Variants in CDH18 observed in about 807,000 individuals in gnomAD.
CDH18 encodes the protein cadherin-18.
Under a neutral mutation model 67.9 loss-of-function variants are expected in CDH18, and 31 were observed. The ratio of observed to expected loss-of-function variants is 0.46; its 90% CI spans 0.34 to 0.62. The LOEUF is 0.62. Ranked by LOEUF, CDH18 falls within the 20% of genes least tolerant of loss-of-function variation. The pLI, the probability that CDH18 is intolerant of heterozygous loss-of-function variation, is 0.01. For missense variants in CDH18, 890 were observed against 975.5 expected (o/e 0.91, Z 1.17); for synonymous variants, 362 against 347.2 (o/e 1.04, Z -0.48).
intron 5 of CDH18, among the ~76,000 whole-genome samples, chr5:19,617,381 A>G (rs1248160987): frequency 1.3e-5 from 2 of 152,212 alleles, no homozygotes; most frequent in Non-Finnish European, 2.9e-5. Flanking sequence ...CCATGTATCC[A>G]GTATTTGCAA....
intron 5 of CDH18, among the ~76,000 whole-genome samples, chr5:19,668,010 A>T (rs551272451): frequency 2.0e-5 from 3 of 152,106 alleles, no homozygotes; most frequent in African/African-American, 4.8e-5. Flanking sequence ...TAGAACTAAT[A>T]AAAAAACTAT....
At chr5:20,202,137 GACAA>G (rs993423801) in intron 2 of CDH18, among the ~76,000 whole-genome samples, 7 of 152,278 alleles carry the variant, frequency 4.6e-5, no homozygotes, top group East Asian at 1.9e-4. Flanking sequence ...AGCATATGCT[GACAA>G]ACAGTTTGCT....
chr5:20,145,289 T>C (rs1228029213), intron 2 of CDH18, among the ~76,000 whole-genome samples: 1 of 152,196 alleles, frequency 6.6e-6, no homozygotes, highest in Non-Finnish European at 1.5e-5. Flanking sequence ...CTTAATAAAG[T>C]TTTTCTTAAT....
chr5:20,037,530 A>C (rs561479364), intron 2 of CDH18, among the ~76,000 whole-genome samples: 3 of 152,154 alleles, frequency 2.0e-5, no homozygotes, highest in Non-Finnish European at 4.4e-5. Context: ...GTGCAATCAA[A>C]TTAGAATTCA....
intron 2 of CDH18, among the ~76,000 whole-genome samples, chr5:19,847,325 T>A (rs1400340602): frequency 1.3e-5 from 2 of 152,092 alleles, no homozygotes; most frequent in African/African-American, 4.8e-5. Flanking sequence ...ATTCTCTCCA[T>A]AGACTGAATA....
At chr5:19,631,614 T>C (rs907887597) in intron 5 of CDH18, among the ~76,000 whole-genome samples, 1 of 152,076 alleles carries the variant, frequency 6.6e-6, no homozygotes, top group African/African-American at 2.4e-5. Flanking sequence ...ACTTATGAAG[T>C]CTGTTAAAAA....
chr5:19,741,196 A>T (rs13189369), intron 4 of CDH18, among the ~76,000 whole-genome samples: 1 of 149,140 alleles, frequency 6.7e-6, no homozygotes, highest in Non-Finnish European at 1.5e-5. Context: ...CTATGTATAT[A>T]TGTATATATG....
intron 2 of CDH18, among the ~76,000 whole-genome samples, chr5:20,095,898 A>T (rs1460932873): frequency 6.6e-6 from 1 of 152,092 alleles, no homozygotes; most frequent in Admixed American, 6.6e-5. Context: ...TGAATTAAGT[A>T]TTAGCAGATT....
chr5:19,628,935 A>T (rs1190507348), intron 5 of CDH18, among the ~76,000 whole-genome samples: 7 of 152,122 alleles, frequency 4.6e-5, no homozygotes, highest in African/African-American at 1.7e-4. Context: ...AAAAAAAAAA[A>T]ACTAAGAGGG....
intron 2 of CDH18, among the ~76,000 whole-genome samples, chr5:20,172,202 A>ATATATATATATACATG (rs1736800470): frequency 2.2e-5 from 1 of 46,050 alleles, no homozygotes; most frequent in African/African-American, 1.3e-4. Context: ...ATATATATAT[A>ATATATATATATACATG]TATATATATA....
chr5:19,641,595 T>C (rs1026362807), intron 5 of CDH18, among the ~76,000 whole-genome samples: 4 of 152,002 alleles, frequency 2.6e-5, no homozygotes, highest in Non-Finnish European at 4.4e-5. Flanking sequence ...TCTCAATAGA[T>C]GCAGAAAATG....
chr5:19,499,420 A>G (rs1742864233), intron 11 of CDH18, among the ~76,000 whole-genome samples: 1 of 152,068 alleles, frequency 6.6e-6, no homozygotes, highest in Non-Finnish European at 1.5e-5. Flanking sequence ...ATATGTGTGC[A>G]TACATATAAT....
At chr5:19,803,499 C>T (rs916976746) in intron 3 of CDH18, among the ~76,000 whole-genome samples, 7 of 152,140 alleles carry the variant, frequency 4.6e-5, no homozygotes, top group Non-Finnish European at 1.0e-4. Context: ...TAGTGACTAT[C>T]GTAATAGTGC....
intron 5 of CDH18, among the ~76,000 whole-genome samples, chr5:19,619,678 A>C (rs1750390810): frequency 6.6e-6 from 1 of 152,164 alleles, no homozygotes; most frequent in Admixed American, 6.6e-5. Context: ...TTGTTTCTCA[A>C]GTGGCTGAAA....
intron 7 of CDH18, among the ~76,000 whole-genome samples, chr5:19,589,127 CAT>C (rs1414244568): frequency 6.6e-6 from 1 of 152,092 alleles, no homozygotes; most frequent in African/African-American, 2.4e-5. Context: ...CTCGTTGCCA[CAT>C]GACACTTACT....
chr5:20,071,390 G>A (rs962228458), intron 2 of CDH18, among the ~76,000 whole-genome samples: 1 of 151,864 alleles, frequency 6.6e-6, no homozygotes, highest in African/African-American at 2.4e-5. Flanking sequence ...TAAACACAGG[G>A]CACTCACTTC....
chr5:19,952,784 A>G (rs949079112), intron 2 of CDH18, among the ~76,000 whole-genome samples: 4 of 151,764 alleles, frequency 2.6e-5, no homozygotes, highest in African/African-American at 4.8e-5. Flanking sequence ...AACATATTCA[A>G]TGATATGAGA....
chr5:19,755,579 T>C (rs949499610), intron 3 of CDH18, among the ~76,000 whole-genome samples: 1 of 145,764 alleles, frequency 6.9e-6, no homozygotes, highest in Non-Finnish European at 1.5e-5. Flanking sequence ...ATATAGGATA[T>C]ATATAATATA....
chr5:19,721,174 C>T (rs1754715547), intron 5 of CDH18, among the ~76,000 whole-genome samples, 173 bp downstream of exon 5: 1 of 152,092 alleles, frequency 6.6e-6, no homozygotes, highest in African/African-American at 2.4e-5. Flanking sequence ...AATATATGTA[C>T]ATTAATTTAT....
Sources: allele counts gnomAD v4.1 joint callset (sites outside exome capture counted in the v4.1 genomes callset), GRCh38; gene constraint gnomAD v4.1.1; transcripts MANE v1.5; gene names NCBI Gene and HGNC (gene_info 2026-07-23, HGNC 2026-07-21).